The following CAMTA1 variants were observed in gnomAD, a reference collection of about 807,000 sequenced individuals.
CAMTA1 encodes calmodulin-binding transcription activator 1.
CAMTA1 carries 27 observed loss-of-function variants against 170.9 expected under a neutral mutation model. The observed-to-expected ratio is 0.16, with a 90% confidence interval of 0.12 to 0.22. CAMTA1 has a LOEUF of 0.22. CAMTA1 is among the 10% of genes least tolerant of loss of function. CAMTA1 has a pLI of 1.00. For synonymous variants in CAMTA1, 833 were observed against 891.5 expected (o/e 0.93, Z 1.17); for missense variants, 1,619 against 2,217.2 (o/e 0.73, Z 5.42).
chr1:6,968,617 G>C (rs1319237470), intron 3 of CAMTA1, among the ~76,000 whole-genome samples: 1 of 152,238 alleles, frequency 6.6e-6, no homozygotes, highest in South Asian at 2.1e-4. Flanking sequence ...TGTGTGTCTC[G>C]GAAGCACAAG....
chr1:7,109,390 C>T (rs1277513943), intron 4 of CAMTA1, among the ~76,000 whole-genome samples: 1 of 152,194 alleles, frequency 6.6e-6, no homozygotes, highest in Non-Finnish European at 1.5e-5. Flanking sequence ...CATCAATACG[C>T]ACTCTCTGGG....
At chr1:7,370,285 T>A (rs908584277) in intron 5 of CAMTA1, 56 of 152,272 alleles carry the variant, frequency 3.7e-4, no homozygotes, top group African/African-American at 1.3e-3. Flanking sequence ...GCAGCTTGGT[T>A]ATTATGGTGT....
intron 7 of CAMTA1, among the ~76,000 whole-genome samples, chr1:7,655,241 C>T (rs1458149256): frequency 3.4e-5 from 5 of 148,214 alleles, no homozygotes; most frequent in African/African-American, 1.3e-4. Flanking sequence ...CACACCTATA[C>T]ACACACACCT....
chr1:7,456,375 G>A lies in CAMTA1; in HGVS notation c.439-11455G>A, dbSNP rs963958728. 6.6e-6 allele frequency among the ~76,000 whole-genome samples: 1 copy of A among 152,176 alleles called. No homozygotes were observed. Among genetic ancestry groups the A allele is most frequent in the Non-Finnish European group, 1.5e-5 (1 of 68,032 alleles). On this transcript the variant is annotated intron_variant, in intron 5 of 22. Transcript: ENST00000303635. This position sits in a 1 kb window ranked among gnomAD's most constrained non-coding sequence, Gnocchi z 4.9. ...AGACCAGCTCTAGCCACTTGGCAGG[G>A]CTCCAAGAAATAGGTCTCAGCGGTA...
chr1:7,662,679 A>G (rs1166137479), intron 8 of CAMTA1, among the ~76,000 whole-genome samples: 1 of 152,212 alleles, frequency 6.6e-6, no homozygotes, highest in Non-Finnish European at 1.5e-5. Flanking sequence ...ATGAGGAGCA[A>G]GGGCTCTGTC....
chr1:7,761,161 G>A (rs2096972573), intron 22 of CAMTA1, among the ~76,000 whole-genome samples: 1 of 152,146 alleles, frequency 6.6e-6, no homozygotes, highest in Non-Finnish European at 1.5e-5. Context: ...AGAATGCTTG[G>A]GGAAATACTG....
intron 1 of CAMTA1, among the ~76,000 whole-genome samples, chr1:6,800,671 C>T (rs915406899): frequency 3.9e-5 from 6 of 152,080 alleles, no homozygotes; most frequent in African/African-American, 1.4e-4. Flanking sequence ...TAAAATCTAT[C>T]GATTCCCAGT....
chr1:7,370,083 T>TGAC (rs2086325720), intron 5 of CAMTA1: 1 of 152,420 alleles, frequency 6.6e-6, no homozygotes, highest in African/African-American at 2.4e-5. Flanking sequence ...TTTTCCAGAC[T>TGAC]GACAGCAGCA....
intron 3 of CAMTA1, among the ~76,000 whole-genome samples, chr1:7,062,722 A>G (rs1708413172): frequency 6.6e-6 from 1 of 152,054 alleles, no homozygotes; most frequent in Non-Finnish European, 1.5e-5. Flanking sequence ...ACAGAAATGC[A>G]CCCTCTCATA....
intron 3 of CAMTA1, among the ~76,000 whole-genome samples, chr1:6,950,987 T>A (rs753755841): frequency 6.6e-6 from 1 of 152,206 alleles, no homozygotes; most frequent in Non-Finnish European, 1.5e-5. Flanking sequence ...GGCAGTGGCC[T>A]GGCCTCTGCC....
At chr1:6,809,143 C>T (rs569865066) in intron 1 of CAMTA1, among the ~76,000 whole-genome samples, 2 of 151,992 alleles carry the variant, frequency 1.3e-5, no homozygotes, top group South Asian at 4.2e-4. Flanking sequence ...TCTCCTGCCT[C>T]AGCCTCCCGA....
At chr1:7,038,898 G>T (rs952715226) in intron 3 of CAMTA1, among the ~76,000 whole-genome samples, 5 of 152,064 alleles carry the variant, frequency 3.3e-5, no homozygotes, top group Admixed American at 3.3e-4. Flanking sequence ...AAATTAGCCG[G>T]TCATAGTGGC....
intron 3 of CAMTA1, among the ~76,000 whole-genome samples, chr1:6,964,025 G>T (rs1157926993): frequency 1.3e-5 from 2 of 151,960 alleles, no homozygotes; most frequent in African/African-American, 4.8e-5. Flanking sequence ...CTGGTTAGGG[G>T]TACAGAGTCC....
intron 3 of CAMTA1, among the ~76,000 whole-genome samples, chr1:6,928,926 A>G (rs967238508): frequency 1.5e-4 from 23 of 152,142 alleles, no homozygotes; most frequent in African/African-American, 5.3e-4. Context: ...TTTACTTAGC[A>G]CTTAGTCCTG....
At chr1:7,255,502 G>A (rs895350653) in intron 5 of CAMTA1, among the ~76,000 whole-genome samples, 4 of 151,294 alleles carry the variant, frequency 2.6e-5, no homozygotes, top group Admixed American at 6.6e-5. Flanking sequence ...ATTCTCCCCC[G>A]CCCCGCCCCA....
At chr1:7,085,350 A>G (rs1259022232) in intron 3 of CAMTA1, among the ~76,000 whole-genome samples, 2 of 152,360 alleles carry the variant, frequency 1.3e-5, no homozygotes, top group South Asian at 4.1e-4. Flanking sequence ...TTGAGGTGAC[A>G]TCCTTTGGAA....
intron 3 of CAMTA1, among the ~76,000 whole-genome samples, chr1:7,089,454 C>A (rs1368298790): frequency 2.0e-5 from 3 of 152,144 alleles, no homozygotes; most frequent in African/African-American, 7.2e-5. Flanking sequence ...CCTGTGTCAA[C>A]TATCTTCAGT....
chr1:7,384,190 T>C (rs191382168), intron 5 of CAMTA1, among the ~76,000 whole-genome samples: 83 of 152,352 alleles, frequency 5.4e-4, no homozygotes, highest in African/African-American at 1.9e-3. Flanking sequence ...GAGCGAAAGA[T>C]GGCTGTTGGC....
chr1:7,378,439 G>C (rs924039730), intron 5 of CAMTA1, among the ~76,000 whole-genome samples: 1 of 152,234 alleles, frequency 6.6e-6, no homozygotes, highest in Non-Finnish European at 1.5e-5. Context: ...CAGGAATGAA[G>C]TATGAACCCA....
Sources: gnomAD v4.1 joint callset for allele counts (sites outside exome capture counted in the v4.1 genomes callset) on GRCh38, gnomAD v4.1.1 for gene constraint, Gnocchi (gnomAD v3.1) non-coding constraint, MANE v1.5 for transcripts, NCBI Gene and HGNC (gene_info 2026-07-23, HGNC 2026-07-21) for gene names.